SAMD12: variants seen among roughly 807,000 people sequenced by gnomAD.
SAMD12 encodes sterile alpha motif domain-containing protein 12.
A neutral mutation model predicts 15.0 loss-of-function variants in SAMD12; 9 were observed. That is an observed-to-expected ratio of 0.60 (90% CI 0.36 to 1.05). The LOEUF (loss-of-function observed/expected upper bound fraction) is 1.05, where lower values mean the gene tolerates loss of function less well. Ranked by LOEUF, SAMD12 falls within the 50% of genes least tolerant of loss-of-function variation. The probability of loss-of-function intolerance (pLI) is 0.01; values close to 1 mark genes in which losing one functional copy is unlikely to be tolerated. For missense variants in SAMD12, 230 were observed against 234.2 expected, an observed-to-expected ratio of 0.98 and a Z score of 0.12; for synonymous variants, 86 against 90.1, an observed-to-expected ratio of 0.96 and a Z score of 0.25.
downstream of SAMD12, among the ~76,000 whole-genome samples, chr8:118,185,843 G>T (rs1297731287): frequency 6.6e-6 from 1 of 152,162 alleles, no homozygotes; most frequent in East Asian, 1.9e-4. Context: ...AAAGTGGCAG[G>T]TTTGTTTTTA....
At chr8:118,354,591 C>T (rs897946716) in intron 4 of SAMD12, among the ~76,000 whole-genome samples, 5 of 152,160 alleles carry the variant, frequency 3.3e-5, no homozygotes, top group Non-Finnish European at 5.9e-5. Flanking sequence ...TGGTTATTCA[C>T]ATTAAAATAA....
chr8:118,581,033 A>C, intron 1 of SAMD12, 140 bp from the exon 2 acceptor site: 1 of 598,068 alleles, frequency 1.7e-6, no homozygotes, highest in Non-Finnish European at 2.9e-6. Context: ...TACGATAAAT[A>C]ATATGGTGAG....
chr8:118,431,925 C>T (rs984556473), intron 3 of SAMD12, among the ~76,000 whole-genome samples: 3 of 152,056 alleles, frequency 2.0e-5, no homozygotes, highest in Non-Finnish European at 4.4e-5. Context: ...GGATGTTCTG[C>T]TCTGTTGTTT....
intron 2 of SAMD12, among the ~76,000 whole-genome samples, chr8:118,445,015 T>C (rs76093550): frequency 0.033 from 5,004 of 152,276 alleles, 271 homozygotes; most frequent in African/African-American, 0.11. Flanking sequence ...TAGTATATCA[T>C]TATAAGCAAG....
chr8:118,384,324 A>G (rs1819832967), intron 3 of SAMD12, among the ~76,000 whole-genome samples: 1 of 152,140 alleles, frequency 6.6e-6, no homozygotes, highest in African/African-American at 2.4e-5. Context: ...CTTGGGCATG[A>G]TATCAGGTAT....
intron 4 of SAMD12, chr8:118,295,703 G>A (rs1814670584): frequency 1.3e-5 from 2 of 148,858 alleles, no homozygotes; most frequent in African/African-American, 2.5e-5. Context: ...AGCCTGGAGT[G>A]CAGTGGTGCA....
At chr8:118,268,215 C>T (rs755394651) in intron 4 of SAMD12, among the ~76,000 whole-genome samples, 58 of 152,184 alleles carry the variant, frequency 3.8e-4, no homozygotes, top group Non-Finnish European at 7.3e-4. Context: ...ACTATGAAAG[C>T]AGAGGATTTA....
chr8:118,441,699 C>T (rs995310623), intron 2 of SAMD12, among the ~76,000 whole-genome samples: 1 of 152,072 alleles, frequency 6.6e-6, no homozygotes, highest in Non-Finnish European at 1.5e-5. Flanking sequence ...ATTTCTTCCA[C>T]TAATATGTGG....
the SAMD12 span, among the ~76,000 whole-genome samples, chr8:118,159,620 A>G: frequency 6.6e-6 from 1 of 152,246 alleles, no homozygotes; most frequent in African/African-American, 2.4e-5. Context: ...TGAAGCATCA[A>G]TAAAGTACTC....
At chr8:118,240,629 C>A (rs28370840) in intron 4 of SAMD12, among the ~76,000 whole-genome samples, 1,945 of 152,180 alleles carry the variant, frequency 0.013, 53 homozygotes, top group African/African-American at 0.045. Flanking sequence ...GCACCTAGTA[C>A]GTAGTCAGTA....
intron 4 of SAMD12, among the ~76,000 whole-genome samples, chr8:118,210,170 A>G (rs1179993992): frequency 3.3e-5 from 5 of 152,224 alleles, no homozygotes; most frequent in African/African-American, 4.8e-5. Context: ...ATAATAGCTA[A>G]CATTTGTGAA....
chr8:118,505,115 T>A (rs1399771587), intron 2 of SAMD12, among the ~76,000 whole-genome samples: 1 of 152,244 alleles, frequency 6.6e-6, no homozygotes, highest in African/African-American at 2.4e-5. Context: ...AAGGCATACA[T>A]GTGCTTCCTC....
At chr8:118,427,975 G>GGT (rs1167594122) in intron 3 of SAMD12, among the ~76,000 whole-genome samples, 1 of 152,056 alleles carries the variant, frequency 6.6e-6, no homozygotes, top group Non-Finnish European at 1.5e-5. Flanking sequence ...CATTCTACTG[G>GGT]GTGTAAAGTA....
chr8:118,467,043 T>C (rs745328660), intron 2 of SAMD12, among the ~76,000 whole-genome samples: 6 of 152,164 alleles, frequency 3.9e-5, no homozygotes, highest in Non-Finnish European at 7.4e-5. Context: ...TTACTAGTAG[T>C]AGTCACAAAA....
intron 4 of SAMD12, among the ~76,000 whole-genome samples, chr8:118,322,599 T>C (rs1310938213): frequency 6.6e-6 from 1 of 152,240 alleles, no homozygotes; most frequent in Non-Finnish European, 1.5e-5. Flanking sequence ...CTCTCTGTCG[T>C]AGGCTGAACC....
At chr8:118,346,772 A>C (rs1213517794) in intron 4 of SAMD12, among the ~76,000 whole-genome samples, 1 of 152,250 alleles carries the variant, frequency 6.6e-6, no homozygotes, top group Non-Finnish European at 1.5e-5. Flanking sequence ...GTCCAGAGAA[A>C]ATCAGGCATG....
At chr8:118,492,268 G>A (rs1484599834) in intron 2 of SAMD12, among the ~76,000 whole-genome samples, 1 of 151,836 alleles carries the variant, frequency 6.6e-6, no homozygotes, top group African/African-American at 2.4e-5. Flanking sequence ...TTTCGTTTTA[G>A]AAGTGTCCAT....
chr8:118,410,554 A>C (rs1035873876), intron 3 of SAMD12, among the ~76,000 whole-genome samples: 2 of 152,156 alleles, frequency 1.3e-5, no homozygotes, highest in Non-Finnish European at 2.9e-5. Flanking sequence ...GGTGTTTGCT[A>C]TGTTAGGAGG....
intron 4 of SAMD12, among the ~76,000 whole-genome samples, chr8:118,205,872 G>T (rs543713475): frequency 3.9e-5 from 6 of 152,252 alleles, no homozygotes; most frequent in Non-Finnish European, 8.8e-5. Context: ...GAGAGAAAAA[G>T]AATGCCCTTG....
Sources: gnomAD v4.1 joint callset for allele counts (sites outside exome capture counted in the v4.1 genomes callset) on GRCh38, gnomAD v4.1.1 for gene constraint, MANE v1.5 for transcripts, NCBI Gene and HGNC (gene_info 2026-07-23, HGNC 2026-07-21) for gene names.